FBXO34: variants seen among roughly 807,000 people sequenced by gnomAD.
FBXO34 encodes the protein F-box protein 34, also known as F-box only protein 34.
Under a neutral mutation model 24.5 loss-of-function variants are expected in FBXO34, and 12 were observed. The observed-to-expected ratio is 0.49, with a 90% CI of 0.31 to 0.79. FBXO34 has a LOEUF of 0.79. Ranked by LOEUF, FBXO34 falls within the 30% of genes least tolerant of loss-of-function variation. The pLI is 0.04. For missense variants in FBXO34, 823 were observed against 857.7 expected (o/e 0.96, Z 0.51); for synonymous variants, 320 against 311.9 (o/e 1.03, Z -0.27).
chr14:55,436,744 A>T, the FBXO34 span: 11 of 1,614,206 alleles, frequency 6.8e-6, no homozygotes, highest in Non-Finnish European at 9.3e-6. Context: ...GCCCAGCCCA[A>T]CGTCCTGTTC....
intron 1 of FBXO34, among the ~76,000 whole-genome samples, chr14:55,349,757 C>A (rs1315872988): frequency 1.3e-5 from 2 of 151,810 alleles, no homozygotes; most frequent in Non-Finnish European, 2.9e-5. Context: ...CAGGCACGCC[C>A]CACTACGCCC....
chr14:55,437,072 T>TAC, the FBXO34 span: 1 of 1,490,572 alleles, frequency 6.7e-7, no homozygotes, highest in Non-Finnish European at 9.3e-7. Context: ...AACAGCATGT[T>TAC]ACACAAAAGG....
the FBXO34 span, among the ~76,000 whole-genome samples, chr14:55,382,927 C>T: frequency 1.9e-3 from 285 of 152,140 alleles, no homozygotes; most frequent in Admixed American, 3.9e-3. Flanking sequence ...ACCAATAAAC[C>T]TATTATACAT....
chr14:55,420,152 C>T, the FBXO34 span, among the ~76,000 whole-genome samples: 2 of 152,204 alleles, frequency 1.3e-5, no homozygotes, highest in Non-Finnish European at 2.9e-5. Context: ...CTCACTGCAA[C>T]TTCCGCCTCC....
chr14:55,408,467 A>G, the FBXO34 span, among the ~76,000 whole-genome samples: 16 of 152,000 alleles, frequency 1.1e-4, no homozygotes, highest in African/African-American at 3.9e-4. Flanking sequence ...CCCCTCAAAC[A>G]AACTTCCTCA....
At chr14:55,319,915 A>C (rs1883070156) in intron 1 of FBXO34, among the ~76,000 whole-genome samples, 1 of 151,972 alleles carries the variant, frequency 6.6e-6, no homozygotes, top group Non-Finnish European at 1.5e-5. Context: ...CTTGTGATCT[A>C]CCCACCTCAG....
In FBXO34 at chr14:55,350,754, T is replaced by C; in HGVS notation, c.364T>C (p.Phe122Leu). The C allele has an allele frequency of 6.2e-7, 1 of 1,609,028 alleles. No homozygotes were observed. The highest frequency in any genetic ancestry group is 1.1e-5 in the South Asian group (1 of 90,170). Residue 122 changes from phenylalanine (F) to leucine (L), a missense_variant, in exon 2 of 2, where the codon TTC (phenylalanine) becomes CTC (leucine). This residue lies in a region of FBXO34 where 693 missense variants were observed against 659.1 expected (regional missense o/e 1.05). Transcript: ENST00000313833. Reference sequence around the variant, plus strand: ...TGGAAATACCAAGGAAAAAATTGCATTCTTTGCATCCCACCAGTGTAGTAA... The same window carrying C: ...TGGAAATACCAAGGAAAAAATTGCACTCTTTGCATCCCACCAGTGTAGTAA... ...KPGNTKEKIA[F>L]FASHQCSNRI...
intron 1 of FBXO34, among the ~76,000 whole-genome samples, chr14:55,303,477 T>A (rs553815363): frequency 6.6e-6 from 1 of 152,146 alleles, no homozygotes; most frequent in East Asian, 1.9e-4. Context: ...GAGAGTCTTA[T>A]ATGTGTAAAT....
At chr14:55,399,830 C>G in the FBXO34 span, among the ~76,000 whole-genome samples, 9 of 152,180 alleles carry the variant, frequency 5.9e-5, no homozygotes, top group Non-Finnish European at 5.9e-5. Context: ...GTAAAAATGC[C>G]ACTTTGCTCT....
At chr14:55,389,475 T>G in the FBXO34 span, among the ~76,000 whole-genome samples, 1 of 152,202 alleles carries the variant, frequency 6.6e-6, no homozygotes, top group Non-Finnish European at 1.5e-5. Flanking sequence ...CGTGAGCACT[T>G]TATTAGGACA....
chr14:55,416,983 C>T, the FBXO34 span, among the ~76,000 whole-genome samples: 2 of 152,214 alleles, frequency 1.3e-5, no homozygotes, highest in South Asian at 2.1e-4. Context: ...GACTTCAGAC[C>T]GAAAATCATA....
At chr14:55,293,503 AG>A (rs1254952490) in intron 1 of FBXO34, among the ~76,000 whole-genome samples, 2 of 152,196 alleles carry the variant, frequency 1.3e-5, no homozygotes, top group African/African-American at 4.8e-5. Context: ...AAACTTTGTA[AG>A]GGCCTGATAT....
At chr14:55,280,995 T>G (rs1881521872) in intron 1 of FBXO34, among the ~76,000 whole-genome samples, 1 of 152,116 alleles carries the variant, frequency 6.6e-6, no homozygotes, top group Non-Finnish European at 1.5e-5. Flanking sequence ...GAAAAATATT[T>G]AAAAAATACG....
chr14:55,426,249 A>G, the FBXO34 span, among the ~76,000 whole-genome samples: 1 of 151,170 alleles, frequency 6.6e-6, no homozygotes, highest in East Asian at 1.9e-4. Context: ...GCCTGGGCAA[A>G]AGAGCAAAAC....
chr14:55,312,842 C>A (rs564204696), intron 1 of FBXO34, among the ~76,000 whole-genome samples: 39 of 152,336 alleles, frequency 2.6e-4, no homozygotes, highest in African/African-American at 8.4e-4. Context: ...GGCCTCCAGG[C>A]CTGTGATGGG....
At chr14:55,361,484 C>T (rs861724) in intron 3 of FBXO34, among the ~76,000 whole-genome samples, 1 of 152,286 alleles carries the variant, frequency 6.6e-6, no homozygotes, top group Admixed American at 6.5e-5. Flanking sequence ...GGTAAATGAA[C>T]ACTGGCTTCA....
the FBXO34 span, chr14:55,436,849 G>A: frequency 2.5e-6 from 4 of 1,614,196 alleles, no homozygotes; most frequent in South Asian, 3.3e-5. Context: ...ATTTTCCTGG[G>A]TAACTTCATC....
chr14:55,433,529 A>C, the FBXO34 span: 1 of 1,103,626 alleles, frequency 9.1e-7, no homozygotes, highest in Non-Finnish European at 1.3e-6. Flanking sequence ...AAAGAAAGGC[A>C]TTTTGCTTCT....
At chr14:55,372,710 G>T (rs1458874107), downstream of FBXO34, among the ~76,000 whole-genome samples, 1 of 149,628 alleles carries the variant, frequency 6.7e-6, no homozygotes, top group Non-Finnish European at 1.5e-5. Context: ...TTTTACCACA[G>T]CTCCTTCCTT....
Sources: allele counts gnomAD v4.1 joint callset (sites outside exome capture counted in the v4.1 genomes callset), GRCh38; gene constraint gnomAD v4.1.1; regional missense constraint gnomAD v4.1.1; transcripts MANE v1.5; gene names NCBI Gene and HGNC (gene_info 2026-07-23, HGNC 2026-07-21).